PDILT: variants seen among roughly 807,000 people sequenced by gnomAD.
PDILT encodes the protein protein disulfide isomerase like, testis expressed, also known as protein disulfide-isomerase-like protein of the testis.
PDILT carries 43 observed loss-of-function variants against 53.7 expected under a neutral mutation model. The ratio of observed to expected loss-of-function variants is 0.80; its 90% CI spans 0.63 to 1.03. The LOEUF is 1.03. PDILT is among the 50% of genes least tolerant of loss of function. The pLI is 0.00. For missense variants in PDILT, 727 were observed against 712.3 expected (o/e 1.02, Z -0.24); for synonymous variants, 282 against 274.2 (o/e 1.03, Z -0.28).
At chr16:20,366,841 C>T (rs1966198466) in intron 8 of PDILT, among the ~76,000 whole-genome samples, 1 of 152,116 alleles carries the variant, frequency 6.6e-6, no homozygotes, top group Admixed American at 6.5e-5. Context: ...CCCCCGTCCC[C>T]TCCCAATCCT....
intron 1 of PDILT, 134 bp downstream of exon 1, chr16:20,404,362 A>G (rs1284844081): frequency 6.6e-6 from 1 of 152,216 alleles, no homozygotes; most frequent in Admixed American, 6.5e-5. Flanking sequence ...TAAAATCCTC[A>G]AGTTGATCCT....
chr16:20,361,446 G>C (rs1234997309), intron 10 of PDILT, among the ~76,000 whole-genome samples: 1 of 152,014 alleles, frequency 6.6e-6, no homozygotes, highest in East Asian at 1.9e-4. Flanking sequence ...GGCTCCCAAC[G>C]TAATGAGATT....
chr16:20,390,015 C>G (rs1430086404), intron 2 of PDILT, among the ~76,000 whole-genome samples: 2 of 152,062 alleles, frequency 1.3e-5, no homozygotes, highest in South Asian at 2.1e-4. Context: ...GCCCCACAAG[C>G]AAAGAATTAT....
chr16:20,370,848 C>T (rs1036932408), intron 7 of PDILT, among the ~76,000 whole-genome samples: 1 of 152,184 alleles, frequency 6.6e-6, no homozygotes, highest in African/African-American at 2.4e-5. Flanking sequence ...TACACTCCCA[C>T]CAGCACCACG....
At chr16:20,398,458 C>T (rs915727077) in intron 2 of PDILT, among the ~76,000 whole-genome samples, 1 of 152,120 alleles carries the variant, frequency 6.6e-6, no homozygotes, top group Non-Finnish European at 1.5e-5. Flanking sequence ...CCTGTCTCTA[C>T]TAAAAATACA....
intron 9 of PDILT, among the ~76,000 whole-genome samples, chr16:20,363,114 AAG>A (rs1336207872): frequency 6.6e-6 from 1 of 151,612 alleles, no homozygotes; most frequent in Non-Finnish European, 1.5e-5. Flanking sequence ...GAAAAAGAAA[AAG>A]AAAACAAAAA....
chr16:20,390,099 A>T (rs930470968), intron 2 of PDILT, among the ~76,000 whole-genome samples: 5 of 152,150 alleles, frequency 3.3e-5, no homozygotes, highest in African/African-American at 1.2e-4. Flanking sequence ...CATGAAAAAA[A>T]TATTCTGAGA....
intron 2 of PDILT, among the ~76,000 whole-genome samples, chr16:20,397,291 A>G (rs556085414): frequency 6.6e-6 from 1 of 152,144 alleles, no homozygotes; most frequent in East Asian, 1.9e-4. Context: ...GTGTGCTACC[A>G]TTCCTAGCCA....
intron 5 of PDILT, 143 bp from the exon 6 acceptor site, chr16:20,373,265 T>C: frequency 1.4e-6 from 1 of 695,588 alleles, no homozygotes; most frequent in Non-Finnish European, 2.4e-6. Flanking sequence ...TCTAGGTAGT[T>C]AATAACTAGG....
Position 20,367,035 on chromosome 16 carries a change from C to A in PDILT, c.1117-1495G>T, listed in dbSNP as rs1329306055. Among the ~76,000 whole-genome samples the A allele has an allele frequency of 3.5e-3, 59 of 16,790 alleles. 2 individuals are homozygous for A. The highest frequency in any genetic ancestry group is 0.01 in the African/African-American group (45 of 4,374). The allele number at this position is 16,790 out of a possible 152,430, so 11.0% of individuals were successfully genotyped here. On this transcript the variant is annotated intron_variant, in intron 8 of 11. Transcript: ENST00000302451. ...TTCTCTCTCTCTTTCTTCTTTCTTT[C>A]TTTCTTTCTTTCTTTCTTTCTTTCT...
At chr16:20,404,154 T>C (rs1966784413) in intron 1 of PDILT, among the ~76,000 whole-genome samples, 1 of 152,220 alleles carries the variant, frequency 6.6e-6, no homozygotes, top group Admixed American at 6.5e-5. Flanking sequence ...AATGAATGTT[T>C]GTTGAATGAA....
At chr16:20,363,071 CAA>C (rs1187383410) in intron 9 of PDILT, among the ~76,000 whole-genome samples, 108 of 93,550 alleles carry the variant, frequency 1.2e-3, no homozygotes, top group South Asian at 7.2e-3. Flanking sequence ...GACTCCATCT[CAA>C]AAAAAAAAAA....
chr16:20,366,974 TCC>T (rs1296167241), intron 8 of PDILT, among the ~76,000 whole-genome samples: 3,064 of 58,154 alleles, frequency 0.053, 178 homozygotes, highest in South Asian at 0.092. Flanking sequence ...CTTCCTTCCT[TCC>T]TTCCTTCCTT....
rs987469940 is a variant in PDILT at position 20,394,709 on chromosome 16, G to A, written c.202+4390C>T. Reference sequence around the variant, plus strand: ...TGGCTTATGGCCTACACATTGAGTAGCACAGATGGGCATCATTTCCAGGCC... The same window carrying A: ...TGGCTTATGGCCTACACATTGAGTAACACAGATGGGCATCATTTCCAGGCC... On this transcript the variant is annotated intron_variant, in intron 2 of 11. Coordinates refer to ENST00000302451, the MANE Select transcript of PDILT (RefSeq NM_174924.2). 2.6e-5 allele frequency among the ~76,000 whole-genome samples: 4 copies of A among 152,248 alleles called. No individual in the cohort carries two copies. The East Asian group carries it at 7.7e-4, about 29-fold the overall frequency.
intron 3 of PDILT, among the ~76,000 whole-genome samples, chr16:20,379,393 G>A (rs1019929263): frequency 3.3e-5 from 5 of 151,916 alleles, no homozygotes; most frequent in African/African-American, 9.7e-5. Flanking sequence ...GGCTGGTCTC[G>A]AACTCCAGGT....
intron 2 of PDILT, among the ~76,000 whole-genome samples, chr16:20,398,107 A>G (rs1017339914): frequency 2.0e-5 from 3 of 152,190 alleles, no homozygotes; most frequent in African/African-American, 7.2e-5. Context: ...CGGGGTTGTG[A>G]GGATCAAATG....
intron 3 of PDILT, among the ~76,000 whole-genome samples, chr16:20,378,013 T>G (rs1966410742): frequency 6.6e-6 from 1 of 150,910 alleles, no homozygotes; most frequent in Non-Finnish European, 1.5e-5. Flanking sequence ...TAGGAGGCAT[T>G]AAGGAGAGGG....
chr16:20,391,399 G>A (rs977000946), intron 2 of PDILT, among the ~76,000 whole-genome samples: 13 of 151,654 alleles, frequency 8.6e-5, no homozygotes, highest in Non-Finnish European at 1.8e-4. Context: ...CCACATTACC[G>A]TCTCCACATC....
chr16:20,361,000 G>C (rs1419715699), intron 10 of PDILT, among the ~76,000 whole-genome samples: 1 of 152,100 alleles, frequency 6.6e-6, no homozygotes, highest in Admixed American at 6.6e-5. Context: ...TACCTCGTAG[G>C]GTTGTTATAA....
Sources: allele counts gnomAD v4.1 joint callset (sites outside exome capture counted in the v4.1 genomes callset), GRCh38; gene constraint gnomAD v4.1.1; transcripts MANE v1.5; gene names NCBI Gene and HGNC (gene_info 2026-07-23, HGNC 2026-07-21).